The following RABGAP1L variants were observed in gnomAD, a reference collection of about 807,000 sequenced individuals.
RABGAP1L encodes rab GTPase-activating protein 1-like.
RABGAP1L carries 63 observed loss-of-function variants against 137.7 expected under a neutral mutation model. The observed-to-expected ratio is 0.46, with a 90% confidence interval of 0.37 to 0.56. The LOEUF is 0.56. Ranked by LOEUF, RABGAP1L falls within the 20% of genes least tolerant of loss-of-function variation. The pLI, the probability that RABGAP1L is intolerant of heterozygous loss-of-function variation, is 0.00. For synonymous variants in RABGAP1L, 431 were observed against 433.7 expected, an observed-to-expected ratio of 0.99 and a Z score of 0.08; for missense variants, 1,095 against 1,244.0, an observed-to-expected ratio of 0.88 and a Z score of 1.80.
chr1:174,756,604 C>A (rs532242414), intron 18 of RABGAP1L, among the ~76,000 whole-genome samples: 1 of 152,098 alleles, frequency 6.6e-6, no homozygotes, highest in South Asian at 2.1e-4. Flanking sequence ...GGCCAGGAAT[C>A]CATTCAGGAA....
chr1:174,261,501 A>T (rs1673577499), intron 7 of RABGAP1L, among the ~76,000 whole-genome samples: 1 of 152,284 alleles, frequency 6.6e-6, no homozygotes, highest in African/African-American at 2.4e-5. Flanking sequence ...TGGGTGATTG[A>T]TAGTACCTTT....
chr1:174,767,017 C>T (rs997816546), intron 18 of RABGAP1L, among the ~76,000 whole-genome samples: 1 of 152,218 alleles, frequency 6.6e-6, no homozygotes, highest in Admixed American at 6.5e-5. Flanking sequence ...ACTTTTTCAA[C>T]CAATTGCCAA....
chr1:174,724,445 G>C (rs1439911318), intron 17 of RABGAP1L, among the ~76,000 whole-genome samples: 2 of 152,194 alleles, frequency 1.3e-5, no homozygotes, highest in African/African-American at 4.8e-5. Flanking sequence ...CAGTTTGGAG[G>C]ATGCCAGAGA....
intron 17 of RABGAP1L, among the ~76,000 whole-genome samples, chr1:174,733,001 A>C (rs970886409): frequency 3.2e-5 from 1 of 31,410 alleles, no homozygotes; most frequent in Non-Finnish European, 5.0e-5. Context: ...TTAATTCTGA[A>C]AAAAAAACCC....
At chr1:174,337,276 G>A (rs1681569225) in intron 11 of RABGAP1L, among the ~76,000 whole-genome samples, 1 of 152,070 alleles carries the variant, frequency 6.6e-6, no homozygotes, top group Non-Finnish European at 1.5e-5. Flanking sequence ...AATTCATTTC[G>A]TTGCGGCTTT....
At chr1:174,308,559 A>C (rs1303468279) in intron 11 of RABGAP1L, among the ~76,000 whole-genome samples, 2 of 151,960 alleles carry the variant, frequency 1.3e-5, no homozygotes, top group African/African-American at 2.4e-5. Context: ...TGTGAGATAA[A>C]AGTCTAATCT....
chr1:174,451,637 T>C (rs1655463380), intron 13 of RABGAP1L, among the ~76,000 whole-genome samples: 1 of 152,232 alleles, frequency 6.6e-6, no homozygotes. Context: ...TGCTTTCATT[T>C]CAAAAGCCTT....
intron 11 of RABGAP1L, among the ~76,000 whole-genome samples, chr1:174,325,485 C>A (rs1680358779): frequency 6.6e-6 from 1 of 152,104 alleles, no homozygotes; most frequent in African/African-American, 2.4e-5. Context: ...GCTGTAAAGC[C>A]CCCATGAACT....
chr1:174,167,535 G>A lies in RABGAP1L; in HGVS notation c.-34+7878G>A, dbSNP rs578093929. 2.8e-4 allele frequency among the ~76,000 whole-genome samples: 43 copies of A among 152,258 alleles called. 1 individual carries two copies. The highest frequency in any genetic ancestry group is 1.5e-5 in the Non-Finnish European group (1 of 68,022). Reference sequence around the variant, plus strand: ...GAGTATTCACAAATATGAAAGTAATGCAAACCCAAAGGGAGTTTTTGTATG... The same window carrying A: ...GAGTATTCACAAATATGAAAGTAATACAAACCCAAAGGGAGTTTTTGTATG... On this transcript the variant is annotated intron_variant, in intron 1 of 25. Coordinates refer to ENST00000681986, the MANE Select transcript of RABGAP1L (RefSeq NM_001366446.1).
intron 11 of RABGAP1L, among the ~76,000 whole-genome samples, chr1:174,311,256 G>T (rs746031143): frequency 1.3e-5 from 2 of 152,204 alleles, no homozygotes; most frequent in Non-Finnish European, 2.9e-5. Flanking sequence ...AGGAGAGAGA[G>T]TGAGAGAGAG....
At position 174,987,810 on chromosome 1, in the gene RABGAP1L, A is replaced by C. The variant is rs1026991937; in HGVS notation, c.2806-831A>C. Among the ~76,000 whole-genome samples the C allele has an allele frequency of 5.3e-4, 81 of 152,074 alleles. 1 individual carries two copies. The highest frequency in any genetic ancestry group is 2.0e-3 in the African/African-American group (81 of 41,468). ...TGCGGGCATGTGGTAGAGTTATTTT[A>C]TTTTATTTTTATTTTTTGAGATGGA... On this transcript the variant is annotated intron_variant, in intron 24 of 25. Coordinates refer to ENST00000681986, the MANE Select transcript of RABGAP1L (RefSeq NM_001366446.1).
At chr1:174,637,716 C>T (rs1442574859) in intron 14 of RABGAP1L, among the ~76,000 whole-genome samples, 2 of 152,138 alleles carry the variant, frequency 1.3e-5, no homozygotes, top group African/African-American at 4.8e-5. Flanking sequence ...CTCAGTTTGG[C>T]TCTCCTGCTA....
At chr1:174,446,366 G>A (rs1654766769) in intron 13 of RABGAP1L, among the ~76,000 whole-genome samples, 1 of 152,166 alleles carries the variant, frequency 6.6e-6, no homozygotes, top group Admixed American at 6.5e-5. Flanking sequence ...ATGACTTGGT[G>A]GTGCACCAGA....
chr1:174,827,400 T>A lies in RABGAP1L; in HGVS notation c.2340+15440T>A, dbSNP rs533719556. Reference sequence around the variant, plus strand: ...TAACTTAATTGTCTCTTTAAAGGCCTTATCTCCCAATACAGATACTGGAGG... The same window carrying A: ...TAACTTAATTGTCTCTTTAAAGGCCATATCTCCCAATACAGATACTGGAGG... On this transcript the variant is annotated intron_variant, in intron 19 of 25. Transcript: ENST00000681986. Among the ~76,000 whole-genome samples, 6 of 152,310 alleles carry A rather than the reference T, an allele frequency of 3.9e-5. No homozygotes were observed. In the East Asian group the frequency reaches 1.2e-3, roughly 29 times the overall value.
chr1:174,854,960 A>G (rs1346405770), intron 19 of RABGAP1L, among the ~76,000 whole-genome samples: 1 of 151,034 alleles, frequency 6.6e-6, no homozygotes, highest in Non-Finnish European at 1.5e-5. Context: ...CTGGTCTCGA[A>G]CTCCTGACCT....
Position 174,256,429 on chromosome 1 carries a change from C to G in RABGAP1L, c.986+3839C>G, listed in dbSNP as rs900592347. On this transcript the variant is annotated intron_variant, in intron 7 of 25. Transcript: ENST00000681986. ...AGTTAAGATGTCTGATTTCTTCCCA[C>G]TATGATTACTTTTTTTCTTCCTTGC... Among the ~76,000 whole-genome samples, 8 of 152,280 alleles carry G rather than the reference C, an allele frequency of 5.3e-5. No homozygotes were observed. In the South Asian group the frequency reaches 8.3e-4, roughly 16 times the overall value.
At chr1:174,842,017 A>C (rs1693466871) in intron 19 of RABGAP1L, among the ~76,000 whole-genome samples, 1 of 152,200 alleles carries the variant, frequency 6.6e-6, no homozygotes. Context: ...GTTTTGACTG[A>C]TTTATAGCAG....
chr1:174,479,609 G>T (rs767539656), intron 13 of RABGAP1L, among the ~76,000 whole-genome samples: 1 of 152,190 alleles, frequency 6.6e-6, no homozygotes, highest in Non-Finnish European at 1.5e-5. Flanking sequence ...AAAGGAGATT[G>T]CTTTGAATGC....
At chr1:174,859,326 A>G (rs1649842853) in intron 19 of RABGAP1L, among the ~76,000 whole-genome samples, 2 of 151,650 alleles carry the variant, frequency 1.3e-5, no homozygotes, top group Admixed American at 1.3e-4. Flanking sequence ...CTAAAAATAC[A>G]AAAAAAATTA....
Sources: gnomAD v4.1 joint callset for allele counts (sites outside exome capture counted in the v4.1 genomes callset) on GRCh38, gnomAD v4.1.1 for gene constraint, MANE v1.5 for transcripts, NCBI Gene and HGNC (gene_info 2026-07-23, HGNC 2026-07-21) for gene names.